Variants in STARD13 observed in about 807,000 individuals in gnomAD.
STARD13 encodes StAR related lipid transfer domain containing 13.
STARD13 carries 62 observed loss-of-function variants against 106.4 expected under a neutral mutation model. The observed-to-expected ratio is 0.58, with a 90% CI of 0.48 to 0.72. The LOEUF is 0.72. STARD13 is among the 30% of genes least tolerant of loss of function. The probability of loss-of-function intolerance (pLI) is 0.00; values close to 1 mark genes in which losing one functional copy is unlikely to be tolerated. For missense variants in STARD13, 1,387 were observed against 1,424.0 expected (o/e 0.97, Z 0.42); for synonymous variants, 565 against 553.0 (o/e 1.02, Z -0.31).
At chr13:33,260,826 CGTAA>C (rs554469543) in intron 1 of STARD13, among the ~76,000 whole-genome samples, 513 of 152,240 alleles carry the variant, frequency 3.4e-3, no homozygotes, top group Middle Eastern at 6.8e-3. Flanking sequence ...CCCTTGAAAA[CGTAA>C]GTGTTTCTGA....
chr13:33,473,013 C>T, the STARD13 span, among the ~76,000 whole-genome samples: 1 of 152,100 alleles, frequency 6.6e-6, no homozygotes, highest in Non-Finnish European at 1.5e-5. Context: ...TAAACATACA[C>T]TGAAATAAAA....
intron 3 of STARD13, among the ~76,000 whole-genome samples, chr13:33,156,267 G>A (rs919121437): frequency 2.6e-5 from 4 of 152,036 alleles, no homozygotes; most frequent in East Asian, 3.9e-4. Flanking sequence ...CATCTAGTTC[G>A]TGAGCCCTGG....
At chr13:33,601,739 C>T in the STARD13 span, among the ~76,000 whole-genome samples, 1 of 152,158 alleles carries the variant, frequency 6.6e-6, no homozygotes, top group East Asian at 1.9e-4. Context: ...TCCTCCTCAC[C>T]ATGCCTACCT....
rs77209106 is a variant in STARD13 at position 33,149,851 on chromosome 13, G to A, written c.324-7478C>T. Among the ~76,000 whole-genome samples, 1,139 of 152,308 alleles carry A rather than the reference G, an allele frequency of 7.5e-3. 16 individuals are homozygous for A. The highest frequency in any genetic ancestry group is 0.026 in the African/African-American group (1,067 of 41,554). ...TTATCAAAACCACTGCAAAATTCTC[G>A]TGTGAGTGAAGCCAATCTGCATTTA... On this transcript the variant is annotated intron_variant, in intron 3 of 13. Coordinates refer to ENST00000336934, the MANE Select transcript of STARD13 (RefSeq NM_178006.4).
rs540763084 is a variant in STARD13 at position 33,112,828 on chromosome 13, G to A, written c.2385C>T (p.Asp795=). ...GATTCTCTTCCACCAAGTTGACGAC[G>A]TCGTTCAGGAAACACAAGAGCGTCT... ...VLQTLLCFLN[D]VVNLVEENQM... Residue 795 remains aspartate, a synonymous_variant, in exon 9 of 14, where the codon GAC becomes GAT. Transcript: ENST00000336934. 9.9e-6 allele frequency: 16 copies of A among 1,613,964 alleles called. No individual in the cohort carries two copies. The Admixed American group carries it at 1.7e-4, about 17-fold the overall frequency.
chr13:33,245,117 G>A (rs11620494), intron 1 of STARD13, among the ~76,000 whole-genome samples: 19,330 of 152,096 alleles, frequency 0.13, 1,329 homozygotes, highest in Non-Finnish European at 0.15. Flanking sequence ...TATTAAAACC[G>A]CAGAGCTGAG....
chr13:33,293,904 G>T (rs1026625422), intron 1 of STARD13, among the ~76,000 whole-genome samples: 1 of 152,150 alleles, frequency 6.6e-6, no homozygotes, highest in African/African-American at 2.4e-5. Context: ...GGGATGCTGT[G>T]ATTGAGTGGG....
the STARD13 span, among the ~76,000 whole-genome samples, chr13:33,420,550 C>A: frequency 6.6e-6 from 1 of 152,178 alleles, no homozygotes; most frequent in Admixed American, 6.6e-5. Flanking sequence ...ATCAATGAGA[C>A]AGAAGGTTAA....
the STARD13 span, among the ~76,000 whole-genome samples, chr13:33,546,004 A>G: frequency 2.6e-5 from 4 of 152,238 alleles, no homozygotes; most frequent in African/African-American, 9.6e-5. Context: ...ACTAAAAGTA[A>G]TTAGTATTTT....
chr13:33,343,603 C>A (rs200181422), intron 1 of STARD13, among the ~76,000 whole-genome samples: 35,716 of 70,024 alleles, frequency 0.51, 10,851 homozygotes, highest in East Asian at 0.84. Flanking sequence ...AAAAACAAAT[C>A]TACAAATCTA....
At chr13:33,607,903 A>T in the STARD13 span, among the ~76,000 whole-genome samples, 2,337 of 152,238 alleles carry the variant, frequency 0.015, 53 homozygotes, top group African/African-American at 0.053. Flanking sequence ...AAAATGTCCA[A>T]TATCTCTAAA....
chr13:33,210,961 TCAC>T (rs974021557), intron 1 of STARD13, among the ~76,000 whole-genome samples: 2 of 152,162 alleles, frequency 1.3e-5, no homozygotes, highest in African/African-American at 4.8e-5. Context: ...ACCAAGAAAT[TCAC>T]CAATTTCTTG....
At chr13:33,257,248 G>T (rs1890409461) in intron 1 of STARD13, among the ~76,000 whole-genome samples, 1 of 152,108 alleles carries the variant, frequency 6.6e-6, no homozygotes, top group Non-Finnish European at 1.5e-5. Flanking sequence ...ACTAAATCTT[G>T]GGAAACACAG....
intron 1 of STARD13, among the ~76,000 whole-genome samples, chr13:33,217,703 C>T (rs1210228154): frequency 6.6e-6 from 1 of 152,172 alleles, no homozygotes; most frequent in Admixed American, 6.5e-5. Context: ...GATGCTCCCT[C>T]TGGGAAGAAT....
the STARD13 span, among the ~76,000 whole-genome samples, chr13:33,495,938 A>G: frequency 7.0e-6 from 1 of 143,436 alleles, no homozygotes. Flanking sequence ...ATTGTATATA[A>G]TTATATTATT....
chr13:33,541,524 G>A, the STARD13 span, among the ~76,000 whole-genome samples: 2 of 152,148 alleles, frequency 1.3e-5, no homozygotes, highest in Admixed American at 6.5e-5. Flanking sequence ...CAACTACCCA[G>A]ACTATCAAAC....
chr13:33,549,011 A>C, the STARD13 span, among the ~76,000 whole-genome samples: 1 of 152,302 alleles, frequency 6.6e-6, no homozygotes, highest in South Asian at 2.1e-4. Context: ...GATGACTGAT[A>C]ATTATTACCA....
At chr13:33,125,976 C>T in intron 7 of STARD13, 105 bp downstream of exon 7, 2 of 1,247,890 alleles carry the variant, frequency 1.6e-6, no homozygotes, top group Non-Finnish European at 2.3e-6. Flanking sequence ...TTTGGTGAGG[C>T]ATGTCTTGCC....
chr13:33,627,496 G>A, the STARD13 span, among the ~76,000 whole-genome samples: 1 of 152,092 alleles, frequency 6.6e-6, no homozygotes, highest in South Asian at 2.1e-4. Context: ...AATTGGCCGA[G>A]TGCGGTGGCG....
Sources: gnomAD v4.1 joint callset for allele counts (sites outside exome capture counted in the v4.1 genomes callset) on GRCh38, gnomAD v4.1.1 for gene constraint, MANE v1.5 for transcripts, NCBI Gene and HGNC (gene_info 2026-07-23, HGNC 2026-07-21) for gene names.